The following HCK variants were observed in gnomAD, a reference collection of about 807,000 sequenced individuals.
The protein encoded by HCK is HCK proto-oncogene, Src family tyrosine kinase.
A neutral mutation model predicts 70.4 loss-of-function variants in HCK; 40 were observed. That is an observed-to-expected ratio of 0.57 (90% confidence interval 0.44 to 0.74). The LOEUF is 0.74. Ranked by LOEUF, HCK falls within the 30% of genes least tolerant of loss-of-function variation. HCK has a pLI of 0.00. For missense variants in HCK, 568 were observed against 697.2 expected (o/e 0.81, Z 2.09); for synonymous variants, 245 against 263.2 (o/e 0.93, Z 0.67).
chr20:32,053,212 G>A (rs2045208877), intron 1 of HCK, among the ~76,000 whole-genome samples: 1 of 152,142 alleles, frequency 6.6e-6, no homozygotes, highest in African/African-American at 2.4e-5. Context: ...GGGTAGCGGA[G>A]GGGGCTTCTA....
chr20:32,081,025 G>A (rs1034472801), intron 6 of HCK, among the ~76,000 whole-genome samples: 47 of 151,980 alleles, frequency 3.1e-4, no homozygotes, highest in Non-Finnish European at 1.3e-4. Flanking sequence ...GGAGTTCAAG[G>A]CTGCAGCGAG....
At chr20:32,082,777 T>A (rs1159775630) in intron 6 of HCK, among the ~76,000 whole-genome samples, 1 of 152,148 alleles carries the variant, frequency 6.6e-6, no homozygotes, top group East Asian at 1.9e-4. Context: ...ACGGTGGTCA[T>A]GAGCTGAAAG....
At chr20:32,058,459 G>T (rs1170954847) in intron 1 of HCK, among the ~76,000 whole-genome samples, 2 of 151,136 alleles carry the variant, frequency 1.3e-5, no homozygotes, top group Non-Finnish European at 2.9e-5. Flanking sequence ...TGGAACCCGG[G>T]AGGCACGGTT....
Position 32,075,341 on chromosome 20 carries a change from G to A in HCK, c.428+620G>A, listed in dbSNP as rs138328433. 3.6e-3 allele frequency among the ~76,000 whole-genome samples: 553 copies of A among 152,102 alleles called. 3 individuals are homozygous for A. Among genetic ancestry groups the A allele is most frequent in the Non-Finnish European group, 3.5e-3 (238 of 67,988 alleles). On this transcript the variant is annotated intron_variant, in intron 5 of 12. Transcript: ENST00000375852. ...CCCAAGTAGCTGGGACTACAAGTGC[G>A]CATCACCATGCCCAGCTAATTTTTT...
At chr20:32,058,623 C>CACACAT (rs1295711070) in intron 1 of HCK, among the ~76,000 whole-genome samples, 4 of 151,376 alleles carry the variant, frequency 2.6e-5, no homozygotes, top group African/African-American at 9.7e-5. Context: ...CACACACACA[C>CACACAT]ACACACACAC....
chr20:32,054,748 G>A (rs1178326341), intron 1 of HCK, among the ~76,000 whole-genome samples: 2 of 152,208 alleles, frequency 1.3e-5, no homozygotes, highest in African/African-American at 4.8e-5. Context: ...GGAGCTTGCA[G>A]TGAGCCGAGA....
chr20:32,084,513 G>A lies in HCK; in HGVS notation c.805G>A (p.Gly269Arg). 6.2e-7 allele frequency: 1 copy of A among 1,614,116 alleles called. No homozygotes were observed. Among genetic ancestry groups the A allele is most frequent in the Non-Finnish European group, 8.5e-7 (1 of 1,180,008 alleles). ...ATCCCTCAAGCTGGAGAAGAAACTT[G>A]GAGCTGGGCAGTTTGGGGAAGTCTG... Residue 269 changes from glycine (G) to arginine (R), a missense_variant, in exon 8 of 13, where the codon GGA becomes AGA. Physicochemically the swap from Gly to Arg is moderately radical, Grantham distance 125. Around this residue, in one of 4 missense-constraint regions of HCK, gnomAD observed 13 missense variants for 38.8 expected, o/e 0.34. Transcript: ENST00000375852.
intron 10 of HCK, 21 bp from the exon 11 acceptor site, chr20:32,093,842 G>A (rs1391668142): frequency 3.1e-6 from 5 of 1,604,128 alleles, no homozygotes; most frequent in Non-Finnish European, 3.4e-6. Flanking sequence ...GAGGACAAAG[G>A]TGTCTCTGTT....
At chr20:32,053,646 A>AAC (rs2045217816) in intron 1 of HCK, among the ~76,000 whole-genome samples, 1 of 151,346 alleles carries the variant, frequency 6.6e-6, no homozygotes, top group African/African-American at 2.4e-5. Flanking sequence ...TCAAAAAAAA[A>AAC]AAAAAAAAAA....
intron 2 of HCK, 117 bp downstream of exon 2, chr20:32,071,899 G>T: frequency 7.8e-7 from 1 of 1,280,716 alleles, no homozygotes; most frequent in South Asian, 1.5e-5. Context: ...AAAGGGAGCT[G>T]ACTGGCCACC....
rs747621818 is a variant in HCK, at chr20:32,084,021, G to C, written c.660G>C (p.Gln220His). ...CCCGAAGCACCTTCAGCACTCTGCA[G>C]GAGCTGGTGGACCACTACAAGAGTG... is the stretch of plus-strand genomic sequence containing the variant. The change falls in exon 7 of 13, where the codon CAG becomes CAC. Residue 220 changes from glutamine to histidine, a missense_variant. By Grantham distance (24) the Gln-to-His change is conservative. Coordinates refer to ENST00000375852, the MANE Select transcript of HCK (RefSeq NM_002110.5). 6.7e-5 allele frequency: 108 copies of C among 1,613,820 alleles called. No homozygotes were observed. The highest frequency in any genetic ancestry group is 9.0e-5 in the Non-Finnish European group (106 of 1,180,038).
At position 32,084,520 on chromosome 20, in the gene HCK, G is replaced by C; in HGVS notation, c.812G>C (p.Gly271Ala). The C allele has an allele frequency of 3.1e-6, 5 of 1,614,022 alleles. No homozygotes were observed. Among genetic ancestry groups the C allele is most frequent in the Non-Finnish European group, 4.2e-6 (5 of 1,179,964 alleles). Residue 271 changes from glycine to alanine, a missense_variant, in exon 8 of 13, where the codon GGG becomes GCG. Transcript: ENST00000375852. ...AAGCTGGAGAAGAAACTTGGAGCTG[G>C]GCAGTTTGGGGAAGTCTGGATGGGT...
intron 1 of HCK, among the ~76,000 whole-genome samples, chr20:32,067,499 G>A (rs940834612): frequency 4.0e-5 from 6 of 150,114 alleles, no homozygotes; most frequent in East Asian, 1.9e-4. Flanking sequence ...TTCTCAACTC[G>A]GTCATAGAGC....
At chr20:32,057,038 C>T (rs1357416477) in intron 1 of HCK, among the ~76,000 whole-genome samples, 1 of 152,198 alleles carries the variant, frequency 6.6e-6, no homozygotes, top group Non-Finnish European at 1.5e-5. Flanking sequence ...AACATTTAAA[C>T]TCAGGAGAGC....
intron 2 of HCK, chr20:32,072,359 T>C (rs1229707800): frequency 6.6e-6 from 1 of 152,390 alleles, no homozygotes; most frequent in Admixed American, 6.5e-5. Flanking sequence ...ACCCTAATCC[T>C]CACAATAATC....
chr20:32,095,074 T>C (rs1408511441), intron 11 of HCK, among the ~76,000 whole-genome samples: 2 of 152,216 alleles, frequency 1.3e-5, no homozygotes, highest in African/African-American at 4.8e-5. Flanking sequence ...TGTCCATCAA[T>C]TGATGAACAG....
rs561857553 is a variant in HCK, at chr20:32,086,694, C to T, written c.902C>T (p.Ala301Val). The T allele has an allele frequency of 1.2e-6, 2 of 1,613,432 alleles. No homozygotes were observed. Among genetic ancestry groups the T allele is most frequent in the Admixed American group, 1.7e-5 (1 of 60,000 alleles). ...AAGCCAGGGAGCATGTCGGTGGAGG[C>T]CTTCCTGGCAGAGGCCAACGTGATG... The change falls in exon 9 of 13, where the codon GCC (alanine) becomes GTC (valine). Residue 301 changes from alanine (A) to valine (V), a missense_variant. By Grantham distance (64) the Ala-to-Val change is moderately conservative (BLOSUM62 0). Coordinates refer to ENST00000375852, the MANE Select transcript of HCK (RefSeq NM_002110.5).
At chr20:32,082,708 A>T (rs1159851107) in intron 6 of HCK, among the ~76,000 whole-genome samples, 1 of 152,160 alleles carries the variant, frequency 6.6e-6, no homozygotes, top group Non-Finnish European at 1.5e-5. Context: ...CATGGTAAAG[A>T]ACACTGAGAC....
At chr20:32,095,920 C>T (rs754741818) in intron 11 of HCK, among the ~76,000 whole-genome samples, 7 of 151,626 alleles carry the variant, frequency 4.6e-5, no homozygotes, top group East Asian at 2.0e-4. Flanking sequence ...GACGGAGTCT[C>T]GCTCTGCTGC....
Sources: gnomAD v4.1 joint callset for allele counts (sites outside exome capture counted in the v4.1 genomes callset) on GRCh38, gnomAD v4.1.1 for gene constraint, gnomAD v4.1.1 regional missense constraint, MANE v1.5 for transcripts, NCBI Gene and HGNC (gene_info 2026-07-23, HGNC 2026-07-21) for gene names.